MAP3K4: variants seen among roughly 807,000 people sequenced by gnomAD.
MAP3K4 encodes the protein MAP three kinase 1.
A neutral mutation model predicts 185.6 loss-of-function variants in MAP3K4; 67 were observed. The observed-to-expected ratio is 0.36, with a 90% CI of 0.30 to 0.44. MAP3K4 has a LOEUF of 0.44. Ranked by LOEUF, MAP3K4 falls within the 20% of genes least tolerant of loss-of-function variation. The pLI is 1.00. For missense variants in MAP3K4, 1,551 were observed against 1,995.1 expected (o/e 0.78, Z 4.24); for synonymous variants, 702 against 710.4 (o/e 0.99, Z 0.19).
Position 161,084,755 on chromosome 6 carries a change from ATT to A in MAP3K4, c.2372+140_2372+141del, listed in dbSNP as rs1207028230. 5.7e-6 allele frequency: 3 copies of A among 530,538 alleles called. No individual in the cohort carries two copies. The African/African-American group carries it at 5.7e-5, about 10-fold the overall frequency. The allele number at this position is 530,538 out of a possible 1,614,324, so 32.9% of individuals were successfully genotyped here. ...TTGGGCAGTAGATGTAAAGGGATTT[ATT>A]TATAACTGCCTTGTCTTTTCATGTG... On this transcript the variant is annotated intron_variant, in intron 7 of 26. Coordinates refer to ENST00000392142, the MANE Select transcript of MAP3K4 (RefSeq NM_005922.4). The surrounding 1 kb of genome is among the most constrained non-coding windows in gnomAD (Gnocchi z 4.6).
intron 1 of MAP3K4, among the ~76,000 whole-genome samples, chr6:161,030,777 TAAAA>T (rs1782890757): frequency 6.6e-6 from 1 of 152,192 alleles, no homozygotes; most frequent in Non-Finnish European, 1.5e-5. Flanking sequence ...AGACTCTTTT[TAAAA>T]GAAAGTTTCT....
chr6:161,039,675 T>A (rs929792277), intron 2 of MAP3K4, among the ~76,000 whole-genome samples: 1 of 152,184 alleles, frequency 6.6e-6, no homozygotes. Context: ...AAATTAGAGA[T>A]AAAACATTGG....
intron 3 of MAP3K4, among the ~76,000 whole-genome samples, chr6:161,062,610 AGTTT>A (rs1346028714): frequency 6.6e-6 from 1 of 152,146 alleles, no homozygotes. Flanking sequence ...TATACTTGGA[AGTTT>A]GTTTGGCTGT....
At chr6:161,032,099 C>T (rs927017023) in intron 1 of MAP3K4, among the ~76,000 whole-genome samples, 5 of 152,134 alleles carry the variant, frequency 3.3e-5, no homozygotes, top group African/African-American at 1.2e-4. Context: ...GCTGGACAGT[C>T]CTGGAGATTC....
chr6:161,100,243 A>G lies in MAP3K4; in HGVS notation c.3675-1649A>G, dbSNP rs528551022. Reference sequence around the variant, plus strand: ...TCCCGAGGCAGACTTCACATACCCAAGGGCTTGTGTCTCAACACAGCTGTG... The same window carrying G: ...TCCCGAGGCAGACTTCACATACCCAGGGGCTTGTGTCTCAACACAGCTGTG... On this transcript the variant is annotated intron_variant, in intron 17 of 26. Transcript: ENST00000392142. This position sits in a 1 kb window ranked among gnomAD's most constrained non-coding sequence, Gnocchi z 5.8. Among the ~76,000 whole-genome samples the G allele has an allele frequency of 4.6e-5, 7 of 152,178 alleles. No homozygotes were observed. Among genetic ancestry groups the G allele is most frequent in the Admixed American group, 1.3e-4 (2 of 15,274 alleles).
Position 161,087,316 on chromosome 6 carries a change from A to G in MAP3K4, c.2557-372A>G, listed in dbSNP as rs896839512. Among the ~76,000 whole-genome samples the G allele has an allele frequency of 2.6e-5, 4 of 152,308 alleles. No individual in the cohort carries two copies. The highest frequency in any genetic ancestry group is 9.6e-5 in the African/African-American group (4 of 41,564). On this transcript the variant is annotated intron_variant, in intron 9 of 26. Coordinates refer to ENST00000392142, the MANE Select transcript of MAP3K4 (RefSeq NM_005922.4). The surrounding 1 kb of genome is among the most constrained non-coding windows in gnomAD (Gnocchi z 4.9). ...GAATAATTAGAGAATCTGTATTAAC[A>G]ATTTTTGCCTTTTTCCCAAGCCAGG...
In MAP3K4 at chr6:161,084,828, T is replaced by G. The variant is rs1257296333; in HGVS notation, c.2372+211T>G. 6.6e-6 allele frequency among the ~76,000 whole-genome samples: 1 copy of G among 152,174 alleles called. No individual in the cohort carries two copies. The highest frequency in any genetic ancestry group is 1.5e-5 in the Non-Finnish European group (1 of 68,036). Reference sequence around the variant, plus strand: ...TGTGAAATTTTCTTTGAAGGGGAACTTAGAATTTATTTAGTGTGATAAAAA... The same window carrying G: ...TGTGAAATTTTCTTTGAAGGGGAACGTAGAATTTATTTAGTGTGATAAAAA... On this transcript the variant is annotated intron_variant, in intron 7 of 26. Coordinates refer to ENST00000392142, the MANE Select transcript of MAP3K4 (RefSeq NM_005922.4). This position sits in a 1 kb window ranked among gnomAD's most constrained non-coding sequence, Gnocchi z 4.6.
chr6:161,057,975 C>G (rs1486082797), intron 3 of MAP3K4, among the ~76,000 whole-genome samples: 1 of 152,230 alleles, frequency 6.6e-6, no homozygotes, highest in Non-Finnish European at 1.5e-5. Flanking sequence ...CAACTTTGAG[C>G]TGAGAACTGG....
chr6:161,012,746 T>C (rs1182349218), intron 1 of MAP3K4, among the ~76,000 whole-genome samples: 1 of 152,170 alleles, frequency 6.6e-6, no homozygotes, highest in Non-Finnish European at 1.5e-5. Flanking sequence ...TAAATAGTAG[T>C]TTATTACAGC....
Position 160,992,094 on chromosome 6 carries a change from C to G in MAP3K4, c.152+11C>G. On this transcript the variant is annotated intron_variant, in intron 1 of 26. Coordinates refer to ENST00000392142, the MANE Select transcript of MAP3K4 (RefSeq NM_005922.4). ...CTGCTTGGCGGCGAGGTGAGTGTGG[C>G]GGCCGCAGTCGGTCGCTCGCAGAAA... 3 of 1,542,388 alleles carry G rather than the reference C, an allele frequency of 1.9e-6. No homozygotes were observed. Among genetic ancestry groups the G allele is most frequent in the Non-Finnish European group, 2.6e-6 (3 of 1,152,622 alleles).
rs1460209259 is a variant in MAP3K4 at position 161,107,047 on chromosome 6, C to T, written c.4048+342C>T. Among the ~76,000 whole-genome samples the T allele has an allele frequency of 5.2e-5, 6 of 115,058 alleles. No individual in the cohort carries two copies. The highest frequency in any genetic ancestry group is 1.4e-4 in the African/African-American group (4 of 28,648). The allele number at this position is 115,058 out of a possible 152,430, so 75.5% of individuals were successfully genotyped here. A position where few individuals can be genotyped will look rare whatever the true frequency, so the allele number is the denominator to read the frequency against. Reference sequence around the variant, plus strand: ...TTCTCTCTCTCTCTCTACACACGCGCGCGCACACACACACACACACACACA... The same window carrying T: ...TTCTCTCTCTCTCTCTACACACGCGTGCGCACACACACACACACACACACA... On this transcript the variant is annotated intron_variant, in intron 20 of 26. Coordinates refer to ENST00000392142, the MANE Select transcript of MAP3K4 (RefSeq NM_005922.4). The surrounding 1 kb of genome is among the most constrained non-coding windows in gnomAD (Gnocchi z 6.2).
intron 1 of MAP3K4, among the ~76,000 whole-genome samples, chr6:161,015,103 G>T (rs1383436867): frequency 6.6e-6 from 1 of 152,132 alleles, no homozygotes; most frequent in Non-Finnish European, 1.5e-5. Flanking sequence ...CATTTATATG[G>T]TGTCAACAGT....
Position 161,102,745 on chromosome 6 carries a change from T to C in MAP3K4, c.3822T>C (p.Ser1274=), listed in dbSNP as rs144508625. Residue 1274 remains serine (S), a synonymous_variant, in exon 19 of 27, where the codon AGT becomes AGC. Coordinates refer to ENST00000392142, the MANE Select transcript of MAP3K4 (RefSeq NM_005922.4). ...RGDSSGSTRR[S]WELRTLISQS... ...ATTCAAGTGGGTCCACAAGAAGAAG[T>C]TGGGAACTTCGGACACTAATCAGCC... 2.8e-5 allele frequency: 45 copies of C among 1,599,428 alleles called. No homozygotes were observed. The highest frequency in any genetic ancestry group is 5.3e-5 in the Admixed American group (3 of 56,676).
chr6:161,059,434 G>A (rs767522381), intron 3 of MAP3K4, among the ~76,000 whole-genome samples: 13 of 152,256 alleles, frequency 8.5e-5, no homozygotes, highest in Admixed American at 2.0e-4. Context: ...ACTGGCACCC[G>A]ACCTAAATCT....
At chr6:161,030,378 T>C (rs567897005) in intron 1 of MAP3K4, among the ~76,000 whole-genome samples, 3 of 152,102 alleles carry the variant, frequency 2.0e-5, no homozygotes, top group African/African-American at 7.2e-5. Context: ...TCATTTCTGG[T>C]CTGTTTCTTT....
intron 1 of MAP3K4, among the ~76,000 whole-genome samples, chr6:161,003,835 A>G (rs1176690615): frequency 6.6e-6 from 1 of 152,068 alleles, no homozygotes; most frequent in Non-Finnish European, 1.5e-5. Flanking sequence ...TCATTCCAAA[A>G]TTTTTTTAAA....
In MAP3K4 at chr6:161,074,733, C is replaced by T. The variant is rs972585052; in HGVS notation, c.2097+1121C>T. On this transcript the variant is annotated intron_variant, in intron 5 of 26. Transcript: ENST00000392142. This position sits in a 1 kb window ranked among gnomAD's most constrained non-coding sequence, Gnocchi z 5.0. Reference sequence around the variant, plus strand: ...GGTTAATGAAATAATAAAACTGTATCGTTGTAGGTGGGGTGCATTCATTCT... The same window carrying T: ...GGTTAATGAAATAATAAAACTGTATTGTTGTAGGTGGGGTGCATTCATTCT... Among the ~76,000 whole-genome samples the T allele has an allele frequency of 1.3e-5, 2 of 152,188 alleles. No individual in the cohort carries two copies. The highest frequency in any genetic ancestry group is 4.8e-5 in the African/African-American group (2 of 41,446).
intron 3 of MAP3K4, among the ~76,000 whole-genome samples, chr6:161,066,756 A>G (rs1201046662): frequency 6.6e-6 from 1 of 152,106 alleles, no homozygotes; most frequent in African/African-American, 2.4e-5. Context: ...CTCCAGCAGG[A>G]AGGGGGTTCC....
At chr6:161,027,003 T>C (rs930512902) in intron 1 of MAP3K4, among the ~76,000 whole-genome samples, 1 of 152,156 alleles carries the variant, frequency 6.6e-6, no homozygotes, top group Non-Finnish European at 1.5e-5. Context: ...TTTGTTTTAT[T>C]TAGTTCAGGA....
Sources: gnomAD v4.1 joint callset for allele counts (sites outside exome capture counted in the v4.1 genomes callset) on GRCh38, gnomAD v4.1.1 for gene constraint, Gnocchi (gnomAD v3.1) non-coding constraint, MANE v1.5 for transcripts, NCBI Gene and HGNC (gene_info 2026-07-23, HGNC 2026-07-21) for gene names.